Variants in SLC35F4 observed in about 807,000 individuals in gnomAD.
SLC35F4 encodes solute carrier family 35 member F4.
A neutral mutation model predicts 44.2 loss-of-function variants in SLC35F4; 24 were observed. The ratio of observed to expected loss-of-function variants is 0.54; its 90% CI spans 0.39 to 0.76. The LOEUF is 0.76. Among genes scored for constraint, SLC35F4 ranks in the 30% least tolerant of loss-of-function variants. The pLI, the probability that SLC35F4 is intolerant of heterozygous loss-of-function variation, is 0.00. For synonymous variants in SLC35F4, 238 were observed against 223.6 expected, an observed-to-expected ratio of 1.06 and a Z score of -0.57; for missense variants, 562 against 586.1, an observed-to-expected ratio of 0.96 and a Z score of 0.42.
intron 1 of SLC35F4, among the ~76,000 whole-genome samples, chr14:57,764,669 C>T (rs2077196130): frequency 1.3e-5 from 2 of 152,108 alleles, no homozygotes; most frequent in South Asian, 4.1e-4. Flanking sequence ...GGTTTTATGC[C>T]ACTTTAGGAA....
chr14:57,946,423 T>A (rs1890027585), intron 1 of SLC35F4, among the ~76,000 whole-genome samples: 2 of 151,764 alleles, frequency 1.3e-5, no homozygotes. Flanking sequence ...TTGTCGAAGA[T>A]CAGTTGGCTG....
intron 1 of SLC35F4, among the ~76,000 whole-genome samples, chr14:57,931,708 C>G (rs922539880): frequency 1.5e-4 from 23 of 152,212 alleles, no homozygotes; most frequent in African/African-American, 5.5e-4. Flanking sequence ...TGTGGCTCCT[C>G]CAATCACTGG....
At chr14:57,858,154 A>G (rs1040491623) in intron 1 of SLC35F4, among the ~76,000 whole-genome samples, 13 of 152,012 alleles carry the variant, frequency 8.6e-5, no homozygotes, top group Admixed American at 5.9e-4. Flanking sequence ...TAGAAATACC[A>G]TTTGACCCAG....
At chr14:57,848,590 T>A (rs1374576794) in intron 1 of SLC35F4, among the ~76,000 whole-genome samples, 1 of 152,222 alleles carries the variant, frequency 6.6e-6, no homozygotes, top group East Asian at 1.9e-4. Context: ...TGGGAGATGA[T>A]TCTCCATGAG....
At chr14:57,937,268 A>G (rs995919026) in intron 1 of SLC35F4, among the ~76,000 whole-genome samples, 1 of 151,936 alleles carries the variant, frequency 6.6e-6, no homozygotes, top group African/African-American at 2.4e-5. Context: ...GGGTTTCTCA[A>G]TGTCGGTCAG....
At chr14:57,980,343 A>G (rs1257727148) in intron 1 of SLC35F4, among the ~76,000 whole-genome samples, 1 of 152,178 alleles carries the variant, frequency 6.6e-6, no homozygotes, top group African/African-American at 2.4e-5. Context: ...GGCAAATGGG[A>G]CTTCCTCCAG....
At chr14:57,687,917 G>A (rs904634733) in intron 1 of SLC35F4, among the ~76,000 whole-genome samples, 1 of 152,186 alleles carries the variant, frequency 6.6e-6, no homozygotes. Context: ...TGCGCATTCA[G>A]GTTAAAATTG....
chr14:57,846,291 C>T (rs986369391), intron 1 of SLC35F4, among the ~76,000 whole-genome samples: 4 of 152,168 alleles, frequency 2.6e-5, no homozygotes, highest in African/African-American at 7.2e-5. Context: ...CAATTCCAAA[C>T]CTCTTTTTCC....
chr14:57,805,219 T>A (rs1881168472), intron 1 of SLC35F4, among the ~76,000 whole-genome samples: 1 of 152,180 alleles, frequency 6.6e-6, no homozygotes, highest in Non-Finnish European at 1.5e-5. Flanking sequence ...TGGTAATTCC[T>A]CAAAGACCTA....
At chr14:57,777,722 A>G (rs2077523422) in intron 1 of SLC35F4, among the ~76,000 whole-genome samples, 1 of 152,138 alleles carries the variant, frequency 6.6e-6, no homozygotes, top group Admixed American at 6.5e-5. Context: ...TGGCACATGT[A>G]TACCTATGTA....
chr14:57,921,657 C>T (rs1265340771), intron 1 of SLC35F4, among the ~76,000 whole-genome samples: 1 of 152,176 alleles, frequency 6.6e-6, no homozygotes, highest in Non-Finnish European at 1.5e-5. Flanking sequence ...TCAGGCCTTT[C>T]TCCTTGGCCT....
chr14:57,656,030 A>G (rs931488378), intron 1 of SLC35F4, among the ~76,000 whole-genome samples: 10 of 151,818 alleles, frequency 6.6e-5, no homozygotes, highest in African/African-American at 2.4e-4. Flanking sequence ...TGATCCTGTC[A>G]CCCTCCTGGG....
chr14:57,680,180 C>A (rs1245062608), intron 1 of SLC35F4, among the ~76,000 whole-genome samples: 2 of 152,130 alleles, frequency 1.3e-5, no homozygotes, highest in African/African-American at 4.8e-5. Context: ...CCACCACGAT[C>A]AAGTCAGCGT....
chr14:57,585,458 T>G (rs1380355127), intron 3 of SLC35F4, among the ~76,000 whole-genome samples: 1 of 152,060 alleles, frequency 6.6e-6, no homozygotes, highest in Non-Finnish European at 1.5e-5. Context: ...CTCTTACCAC[T>G]CCTATTCAAC....
chr14:57,764,318 A>C (rs866127406), intron 1 of SLC35F4, among the ~76,000 whole-genome samples: 2 of 152,198 alleles, frequency 1.3e-5, no homozygotes, highest in Admixed American at 6.6e-5. Context: ...GTTCTAAAAA[A>C]AAAAGAGAGC....
chr14:57,782,757 C>T (rs1219545091), intron 1 of SLC35F4, among the ~76,000 whole-genome samples: 1 of 152,186 alleles, frequency 6.6e-6, no homozygotes, highest in African/African-American at 2.4e-5. Flanking sequence ...CCAGTTCACA[C>T]ACATTTTGCA....
intron 1 of SLC35F4, among the ~76,000 whole-genome samples, chr14:57,782,951 A>C (rs2077662233): frequency 6.6e-6 from 1 of 152,148 alleles, no homozygotes; most frequent in Admixed American, 6.6e-5. Context: ...CTATCTCAAG[A>C]TAAATGAATC....
intron 1 of SLC35F4, among the ~76,000 whole-genome samples, chr14:57,786,497 A>G (rs967210298): frequency 1.3e-5 from 2 of 152,158 alleles, no homozygotes; most frequent in Admixed American, 1.3e-4. Context: ...CAAAGCTAAG[A>G]ACCCTCACGG....
chr14:57,668,496 T>A (rs1421557432), intron 1 of SLC35F4, among the ~76,000 whole-genome samples: 2 of 152,116 alleles, frequency 1.3e-5, no homozygotes, highest in Non-Finnish European at 2.9e-5. Flanking sequence ...CCATCTTGAA[T>A]TAATTTTTGT....
Sources: gnomAD v4.1 joint callset for allele counts (sites outside exome capture counted in the v4.1 genomes callset) on GRCh38, gnomAD v4.1.1 for gene constraint, MANE v1.5 for transcripts, NCBI Gene and HGNC (gene_info 2026-07-23, HGNC 2026-07-21) for gene names.